Variants in SPG11 observed in about 807,000 individuals in gnomAD.
The protein encoded by SPG11 is spatacsin.
In SPG11, 222 loss-of-function variants were observed where a neutral mutation model predicts 274.0. The ratio of observed to expected loss-of-function variants is 0.81; its 90% CI spans 0.73 to 0.91. The LOEUF (loss-of-function observed/expected upper bound fraction) is 0.91. Among genes scored for constraint, SPG11 ranks in the 40% least tolerant of loss-of-function variants. SPG11 has a pLI of 0.00. For synonymous variants in SPG11, 1,144 were observed against 1,039.7 expected, an observed-to-expected ratio of 1.10 and a Z score of -1.93; for missense variants, 3,114 against 2,872.7, an observed-to-expected ratio of 1.08 and a Z score of -1.92.
intron 15 of SPG11, among the ~76,000 whole-genome samples, chr15:44,618,391 G>A (rs1451501974): frequency 7.9e-5 from 12 of 151,322 alleles, no homozygotes; most frequent in Non-Finnish European, 7.4e-5. Context: ...GGTGGCGGGC[G>A]CCTGTAGTCC....
Position 44,657,151 on chromosome 15 carries a change from T to C in SPG11, c.813A>G (p.Ala271=), listed in dbSNP as rs1352382331. The change falls in exon 4 of 40, where the codon GCA becomes GCG. Residue 271 remains alanine (A), a synonymous_variant. Transcript: ENST00000261866. ...SLKVSQDLDV[A]VIVSSSNSAV... is the part of the protein sequence containing the mutation. ...CGGAGTTGGAGGAGCTGACAATCAC[T>C]GCAACATCGAGGTCTTGAGAAACTT... 13 of 1,614,102 alleles carry C rather than the reference T, an allele frequency of 8.1e-6. No homozygotes were observed. Among genetic ancestry groups the C allele is most frequent in the African/African-American group, 6.7e-5 (5 of 74,938 alleles).
chr15:44,570,962 T>C (rs2140923797), intron 33 of SPG11, among the ~76,000 whole-genome samples: 1 of 152,304 alleles, frequency 6.6e-6, no homozygotes, highest in South Asian at 2.1e-4. Context: ...AGAAACTTTC[T>C]GCAGACAAAC....
At position 44,570,666 on chromosome 15, in the gene SPG11, G is replaced by T. The variant is rs767684146; in HGVS notation, c.6344-8C>A. ...GGATCAGGAGCTCTGTGGCTGGGAG[G>T]GTGGGCACTGGTAAGATAAGATTAT... On this transcript the variant is annotated splice_region_variant and splice_polypyrimidine_tract_variant and intron_variant, in intron 33 of 39. Transcript: ENST00000261866. The T allele has an allele frequency of 6.2e-7, 1 of 1,613,386 alleles. No homozygotes were observed. Among genetic ancestry groups the T allele is most frequent in the Non-Finnish European group, 8.5e-7 (1 of 1,179,764 alleles).
intron 35 of SPG11, among the ~76,000 whole-genome samples, chr15:44,568,178 G>A (rs2082347806): frequency 6.6e-6 from 1 of 152,232 alleles, no homozygotes; most frequent in Admixed American, 6.5e-5. Context: ...CAGATGGATA[G>A]ACACTGAGGG....
At chr15:44,628,948 T>C (rs1193089007) in intron 9 of SPG11, 104 bp from the exon 10 acceptor site, 1 of 1,211,584 alleles carries the variant, frequency 8.3e-7, no homozygotes, top group East Asian at 2.4e-5. Context: ...ACTTGGTATT[T>C]TTAAATTTCA....
rs769653781 is a variant in SPG11, at chr15:44,621,861, C to T, written c.2518G>A (p.Asp840Asn). 1.2e-6 allele frequency: 2 copies of T among 1,613,626 alleles called. No individual in the cohort carries two copies. The highest frequency in any genetic ancestry group is 2.2e-5 in the East Asian group (1 of 44,848). Residue 840 changes from aspartate (D) to asparagine (N), a missense_variant, in exon 14 of 40, where the codon GAT becomes AAT. By Grantham distance (23) the Asp-to-Asn change is conservative (BLOSUM62 1). Coordinates refer to ENST00000261866, the MANE Select transcript of SPG11 (RefSeq NM_025137.4). ...LDSFLKYDCKDEFNKQDHRIV... is the reference protein window; with the variant it reads ...LDSFLKYDCKNEFNKQDHRIV... Reference sequence around the variant, plus strand: ...CTATGGTCCTGTTTGTTAAATTCATCTTTACAATCATATTTCAGGAATGAG... The same window carrying T: ...CTATGGTCCTGTTTGTTAAATTCATTTTTACAATCATATTTCAGGAATGAG...
At chr15:44,607,544 C>G (rs551027972) in intron 19 of SPG11, among the ~76,000 whole-genome samples, 2 of 152,292 alleles carry the variant, frequency 1.3e-5, no homozygotes, top group African/African-American at 4.8e-5. Context: ...GTTGGGATTA[C>G]AGGCATGAGC....
chr15:44,620,591 G>A (rs1243516838), intron 14 of SPG11, 188 bp from the exon 15 acceptor site: 2 of 562,654 alleles, frequency 3.6e-6, no homozygotes, highest in Non-Finnish European at 6.2e-6. Context: ...GCCCAGGCTG[G>A]AGTGCAGTGG....
chr15:44,647,995 G>C (rs934645637), intron 7 of SPG11, among the ~76,000 whole-genome samples: 4 of 152,168 alleles, frequency 2.6e-5, no homozygotes, highest in African/African-American at 9.7e-5. Context: ...AAGGTACCCT[G>C]CCCTTGATTC....
At chr15:44,589,008 A>G (rs2082836778) in intron 28 of SPG11, among the ~76,000 whole-genome samples, 1 of 152,198 alleles carries the variant, frequency 6.6e-6, no homozygotes, top group Admixed American at 6.5e-5. Flanking sequence ...CCAGGAGGAA[A>G]TGTGGCTATT....
chr15:44,650,448 G>A (rs752985165), intron 6 of SPG11, among the ~76,000 whole-genome samples: 5 of 151,944 alleles, frequency 3.3e-5, no homozygotes, highest in Admixed American at 6.6e-5. Flanking sequence ...GAGGTCAGGC[G>A]TTTCAGACCA....
intron 7 of SPG11, among the ~76,000 whole-genome samples, chr15:44,646,585 A>G (rs2084617138): frequency 6.6e-6 from 1 of 152,222 alleles, no homozygotes; most frequent in South Asian, 2.1e-4. Context: ...ACACAGAGCC[A>G]AACCATATCA....
rs1459540152 is a variant in SPG11 at position 44,570,552 on chromosome 15, C to T, written c.6450G>A (p.Leu2150=). The change falls in exon 34 of 40, where the codon CTG becomes CTA. Residue 2150 remains leucine, a synonymous_variant. Transcript: ENST00000261866. ...CCAGCCCATACTCCTCACTGGGGGC[C>T]AGGTGGTTATCTGTGAGCATGTGGG... The part of the protein sequence containing the change: ...QAAHMLTDNH[L]APSEEYGLVV... 1 of 1,614,002 alleles carries T rather than the reference C, an allele frequency of 6.2e-7. No homozygotes were observed. The highest frequency in any genetic ancestry group is 8.5e-7 in the Non-Finnish European group (1 of 1,180,036).
chr15:44,605,570 T>C (rs1286594261), intron 20 of SPG11, among the ~76,000 whole-genome samples: 1 of 152,214 alleles, frequency 6.6e-6, no homozygotes, highest in Non-Finnish European at 1.5e-5. Flanking sequence ...ATCTGGTACT[T>C]AAATGCCTTG....
intron 30 of SPG11, among the ~76,000 whole-genome samples, chr15:44,576,344 A>T (rs1200606482): frequency 6.6e-6 from 1 of 151,888 alleles, no homozygotes; most frequent in Admixed American, 6.6e-5. Flanking sequence ...AATACTCTGC[A>T]GCCATTAGAA....
At position 44,574,279 on chromosome 15, in the gene SPG11, T is replaced by C. The variant is rs1441554018; in HGVS notation, c.6007-534A>G. 3.3e-5 allele frequency among the ~76,000 whole-genome samples: 5 copies of C among 152,328 alleles called. No individual in the cohort carries two copies. The Middle Eastern group carries it at 0.014, about 414-fold the overall frequency. ...TCGGCCTCCCGAATTGCTGGGATTATAGGCATGAGCCACCATGCCCAGCCT... is the reference window on the plus strand; with the variant it reads ...TCGGCCTCCCGAATTGCTGGGATTACAGGCATGAGCCACCATGCCCAGCCT... On this transcript the variant is annotated intron_variant, in intron 31 of 39. Coordinates refer to ENST00000261866, the MANE Select transcript of SPG11 (RefSeq NM_025137.4).
At chr15:44,662,995 A>C (rs2085161156) in intron 1 of SPG11, among the ~76,000 whole-genome samples, 2 of 152,268 alleles carry the variant, frequency 1.3e-5, no homozygotes, top group Non-Finnish European at 2.9e-5. Context: ...GATTCAAATT[A>C]GAGATGATCC....
chr15:44,651,991 T>G (rs778340457), intron 5 of SPG11, 52 bp from the exon 6 acceptor site: 1 of 1,580,324 alleles, frequency 6.3e-7, no homozygotes. Context: ...AAAGGCACTA[T>G]GTAAAACACT....
At chr15:44,582,322 C>T (rs1018843897) in intron 30 of SPG11, among the ~76,000 whole-genome samples, 89 of 152,226 alleles carry the variant, frequency 5.8e-4, no homozygotes, top group African/African-American at 2.1e-3. Flanking sequence ...CCAAGATGGG[C>T]GGATCACTTG....
Sources: gnomAD v4.1 joint callset for allele counts (sites outside exome capture counted in the v4.1 genomes callset) on GRCh38, gnomAD v4.1.1 for gene constraint, MANE v1.5 for transcripts, NCBI Gene and HGNC (gene_info 2026-07-23, HGNC 2026-07-21) for gene names.